Variants in KDM6B observed in about 807,000 individuals in gnomAD.
The protein encoded by KDM6B is lysine-specific demethylase 6B.
In KDM6B, 22 loss-of-function variants were observed where a neutral mutation model predicts 150.4. The observed-to-expected ratio is 0.15, with a 90% CI of 0.10 to 0.21. The LOEUF is 0.21. Ranked by LOEUF, KDM6B falls within the 10% of genes least tolerant of loss-of-function variation. The pLI is 1.00. For missense variants in KDM6B, 1,984 were observed against 2,234.3 expected (o/e 0.89, Z 2.26); for synonymous variants, 1,148 against 921.1 (o/e 1.25, Z -4.46).
intron 1 of KDM6B, among the ~76,000 whole-genome samples, chr17:7,838,497 G>GCCTC (rs1212086601): frequency 2.0e-4 from 1 of 5,044 alleles, no homozygotes. Flanking sequence ...ATGAATTACA[G>GCCTC]CCTCCGGCTT....
rs2078534216 is a variant in KDM6B, at chr17:7,846,268, C to T, written c.427C>T (p.Leu143=). The T allele has an allele frequency of 2.5e-6, 4 of 1,613,614 alleles. No individual in the cohort carries two copies. Among genetic ancestry groups the T allele is most frequent in the Non-Finnish European group, 3.4e-6 (4 of 1,179,878 alleles). The change falls in exon 7 of 24, where the codon CTG becomes TTG. Residue 143 remains leucine (L), a synonymous_variant. Coordinates refer to ENST00000448097, the MANE Select transcript of KDM6B (RefSeq NM_001348716.2). ...TCGATACGGAGGAAGCTTCGCTGAG[C>T]TGGGGCCCCGCATTGGCCGACTGCA... The part of the protein sequence containing the change: ...ALRYGGSFAE[L]GPRIGRLQQA...
Position 7,846,235 on chromosome 17 carries a change from A to G in KDM6B, c.394A>G (p.Ser132Gly). The change falls in exon 7 of 24, where the codon AGC becomes GGC. Residue 132 changes from serine to glycine, a missense_variant. Around this residue, in one of 13 missense-constraint regions of KDM6B, gnomAD observed 337 missense variants for 323.9 expected, o/e 1.04. Coordinates refer to ENST00000448097, the MANE Select transcript of KDM6B (RefSeq NM_001348716.2). ...TGAGGAGGCCACACGCTGCTACCACAGCGCCCTTCGATACGGAGGAAGCTT... is the reference window on the plus strand; with the variant it reads ...TGAGGAGGCCACACGCTGCTACCACGGCGCCCTTCGATACGGAGGAAGCTT... The part of the protein sequence containing the change: ...DSEEATRCYH[S>G]ALRYGGSFAE... 4 of 1,614,068 alleles carry G rather than the reference A, an allele frequency of 2.5e-6. No homozygotes were observed. Among genetic ancestry groups the G allele is most frequent in the Non-Finnish European group, 3.4e-6 (4 of 1,180,002 alleles).
chr17:7,840,775 T>C (rs985678450), intron 2 of KDM6B: 6 of 152,256 alleles, frequency 3.9e-5, no homozygotes, highest in African/African-American at 9.6e-5. Flanking sequence ...GTTTTGCACA[T>C]TGGGGTGCAT....
At position 7,854,659 on chromosome 17, in the gene KDM6B, T is replaced by G. The variant is rs967899844; in HGVS notation, c.*1138T>G. ...TCTCCACGCTGGGGCTGCGGAGGGG[T>G]GGGGGGTTTACAGTCCCGCACCCTC... On this transcript the variant is annotated 3_prime_UTR_variant, in exon 24 of 24. Coordinates refer to ENST00000448097, the MANE Select transcript of KDM6B (RefSeq NM_001348716.2). 1 of 156,162 alleles carries G rather than the reference T, an allele frequency of 6.4e-6. No individual in the cohort carries two copies. The allele number at this position is 156,162 out of a possible 1,614,324, so 9.7% of individuals were successfully genotyped here.
At position 7,848,308 on chromosome 17, in the gene KDM6B, C is replaced by T. The variant is rs2078608458; in HGVS notation, c.2020C>T (p.Pro674Ser). ...CCGAGGCCCTCGACTCTTTGATTTT[C>T]CCCCCACTCCGCTGGAGGACCAGTT... The part of the protein sequence containing the change: ...PARGPRLFDF[P>S]PTPLEDQFEE... The change falls in exon 12 of 24, where the codon CCC becomes TCC. Residue 674 changes from proline (P) to serine (S), a missense_variant. This residue lies in a region of KDM6B where 1,379 missense variants were observed against 1,275.6 expected (regional missense o/e 1.08). Coordinates refer to ENST00000448097, the MANE Select transcript of KDM6B (RefSeq NM_001348716.2). 3.7e-6 allele frequency: 6 copies of T among 1,612,236 alleles called. No individual in the cohort carries two copies. Among genetic ancestry groups the T allele is most frequent in the Non-Finnish European group, 5.1e-6 (6 of 1,179,838 alleles).
In KDM6B at chr17:7,849,483, G is replaced by A. The variant is rs372614245; in HGVS notation, c.3195G>A (p.Pro1065=). The A allele has an allele frequency of 1.2e-4, 199 of 1,612,706 alleles. 2 individuals are homozygous for A. The highest frequency in any genetic ancestry group is 4.3e-4 in the South Asian group (39 of 91,060). The change falls in exon 12 of 24, where the codon CCG becomes CCA. Residue 1065 remains proline (P), a synonymous_variant. Coordinates refer to ENST00000448097, the MANE Select transcript of KDM6B (RefSeq NM_001348716.2). ...APAPSAQPTP[P]SASVPGKKAR... The stretch of plus-strand genomic sequence containing the variant: ...CACCTTCTGCCCAGCCCACACCCCC[G>A]TCAGCCTCTGTCCCTGGAAAGAAGG...
rs1047515736 is a variant in KDM6B, at chr17:7,844,161, G to T, written c.-268-740G>T. Reference sequence around the variant, plus strand: ...CCCTCCCTTGGGGGGCGGGGGCCACGTGGGCCGTGGGGAACCGCGTGGCCC... The same window carrying T: ...CCCTCCCTTGGGGGGCGGGGGCCACTTGGGCCGTGGGGAACCGCGTGGCCC... On this transcript the variant is annotated intron_variant, in intron 2 of 23. Transcript: ENST00000448097. The surrounding 1 kb of genome is among the most constrained non-coding windows in gnomAD (Gnocchi z 5.9). 6.6e-6 allele frequency: 1 copy of T among 151,498 alleles called. No individual in the cohort carries two copies. Among genetic ancestry groups the T allele is most frequent in the Non-Finnish European group, 1.5e-5 (1 of 67,970 alleles). 9.4% of individuals were successfully genotyped at this position (151,498 alleles called of 1,614,324 possible).
Position 7,848,868 on chromosome 17 carries a change from C to T in KDM6B, c.2580C>T (p.Ser860=), listed in dbSNP as rs755078709. The T allele has an allele frequency of 1.9e-6, 3 of 1,610,078 alleles. No homozygotes were observed. Among genetic ancestry groups the T allele is most frequent in the Admixed American group, 3.3e-5 (2 of 59,912 alleles). ...CAGCGGCCCCTAGCGCCCAGGGCTC[C>T]CCACAGCCCTCTGCTTCCTCGTCAT... ...PTSAAPSAQG[S]PQPSASSSSQ... is the part of the protein sequence containing the mutation. The change falls in exon 12 of 24, where the codon TCC becomes TCT. Residue 860 remains serine, a synonymous_variant. Coordinates refer to ENST00000448097, the MANE Select transcript of KDM6B (RefSeq NM_001348716.2).
chr17:7,849,331 C>T lies in KDM6B; in HGVS notation c.3043C>T (p.Arg1015Cys), dbSNP rs1157239894. ...AKAKVPKEKS[R>C]RVLGNLDLQS... ...GGCCAAGGTCCCCAAAGAAAAGAGC[C>T]GCCGGGTGCTGGGGAACCTGGACCT... is the stretch of plus-strand genomic sequence containing the variant. Residue 1015 changes from arginine (R) to cysteine (C), a missense_variant, in exon 12 of 24, where the codon CGC (arginine) becomes TGC (cysteine). Arg to Cys is a radical substitution (Grantham distance 180). Coordinates refer to ENST00000448097, the MANE Select transcript of KDM6B (RefSeq NM_001348716.2). 2 of 1,573,376 alleles carry T rather than the reference C, an allele frequency of 1.3e-6. No individual in the cohort carries two copies. The highest frequency in any genetic ancestry group is 2.7e-5 in the African/African-American group (2 of 73,790).
rs761134422 is a variant in KDM6B, at chr17:7,851,804, C to A, written c.4165+8C>A. 9 of 1,555,690 alleles carry A rather than the reference C, an allele frequency of 5.8e-6. No homozygotes were observed. In the African/African-American group the frequency reaches 1.2e-4, roughly 21 times the overall value. Reference sequence around the variant, plus strand: ...CCGGCAGCCGAACGCCAGGTGCGCTCCACGCCTGTGCGCGCTGATGCTGGA... The same window carrying A: ...CCGGCAGCCGAACGCCAGGTGCGCTACACGCCTGTGCGCGCTGATGCTGGA... On this transcript the variant is annotated splice_region_variant and intron_variant, in intron 18 of 23. Coordinates refer to ENST00000448097, the MANE Select transcript of KDM6B (RefSeq NM_001348716.2).
Position 7,845,367 on chromosome 17 carries a change from C to A in KDM6B, c.-95C>A. The A allele has an allele frequency of 1.4e-6, 1 of 730,198 alleles. No individual in the cohort carries two copies. 45.2% of individuals were successfully genotyped at this position (730,198 alleles called of 1,614,324 possible). ...ATCTGGGGGTAGCGGGCACTCTTAT[C>A]AGAGCGGCTGGAGCCGGACCATCGT... On this transcript the variant is annotated 5_prime_UTR_variant, in exon 4 of 24. Transcript: ENST00000448097.
Position 7,846,210 on chromosome 17 carries a change from T to C in KDM6B, c.369T>C (p.Ser123=), listed in dbSNP as rs768875691. 3.1e-6 allele frequency: 5 copies of C among 1,613,966 alleles called. No homozygotes were observed. Among genetic ancestry groups the C allele is most frequent in the African/African-American group, 2.7e-5 (2 of 74,906 alleles). ...LGQLYESEHD[S]EEATRCYHSA... ...AACTGTACGAGTCAGAGCACGATAGTGAGGAGGCCACACGCTGCTACCACA... is the reference window on the plus strand; with the variant it reads ...AACTGTACGAGTCAGAGCACGATAGCGAGGAGGCCACACGCTGCTACCACA... Residue 123 remains serine, a synonymous_variant, in exon 7 of 24, where the codon AGT becomes AGC. Transcript: ENST00000448097.
chr17:7,854,181 C>G lies in KDM6B; in HGVS notation c.*660C>G, dbSNP rs1687165867. On this transcript the variant is annotated 3_prime_UTR_variant, in exon 24 of 24. Coordinates refer to ENST00000448097, the MANE Select transcript of KDM6B (RefSeq NM_001348716.2). Reference sequence around the variant, plus strand: ...CGCCCCTCCAGGGACCGCCCGTCGCCGGGCTCTCCCCGCGCCCCAGTGTGT... The same window carrying G: ...CGCCCCTCCAGGGACCGCCCGTCGCGGGGCTCTCCCCGCGCCCCAGTGTGT... The G allele has an allele frequency of 6.6e-6, 1 of 152,608 alleles. No homozygotes were observed. Among genetic ancestry groups the G allele is most frequent in the African/African-American group, 2.4e-5 (1 of 41,434 alleles). 9.5% of individuals were successfully genotyped at this position (152,608 alleles called of 1,614,324 possible). A position where few individuals can be genotyped will look rare whatever the true frequency, so the allele number is the denominator to read the frequency against.
Position 7,849,177 on chromosome 17 carries a change from C to A in KDM6B, c.2889C>A (p.Gly963=). 6.2e-7 allele frequency: 1 copy of A among 1,608,962 alleles called. No homozygotes were observed. The highest frequency in any genetic ancestry group is 1.3e-5 in the African/African-American group (1 of 74,964). The change falls in exon 12 of 24, where the codon GGC becomes GGA. Residue 963 remains glycine (G), a synonymous_variant. Coordinates refer to ENST00000448097, the MANE Select transcript of KDM6B (RefSeq NM_001348716.2). ...CCGCACAGGCCAAGGAGGAGGCTGG[C>A]GGGGTGGCGGCAGTGTCAGGCAGCT... The part of the protein sequence containing the change: ...LPPAQAKEEA[G]GVAAVSGSCK...
At position 7,848,125 on chromosome 17, in the gene KDM6B, T is replaced by G; in HGVS notation, c.1837T>G (p.Ser613Ala). 2.5e-6 allele frequency: 4 copies of G among 1,611,784 alleles called. No individual in the cohort carries two copies. The highest frequency in any genetic ancestry group is 3.4e-6 in the Non-Finnish European group (4 of 1,179,632). ...TLALPPAPPS[S>A]CHQNTSGSFR... Reference sequence around the variant, plus strand: ...TGCCCTGCCTCCAGCCCCTCCTTCCTCCTGCCACCAAAATACCTCAGGAAG... The same window carrying G: ...TGCCCTGCCTCCAGCCCCTCCTTCCGCCTGCCACCAAAATACCTCAGGAAG... The change falls in exon 12 of 24, where the codon TCC (serine) becomes GCC (alanine). Residue 613 changes from serine to alanine, a missense_variant. By Grantham distance (99) the Ser-to-Ala change is moderately conservative. This residue lies in a region of KDM6B where 1,379 missense variants were observed against 1,275.6 expected (regional missense o/e 1.08). Transcript: ENST00000448097.
intron 2 of KDM6B, among the ~76,000 whole-genome samples, chr17:7,841,670 G>T (rs2078416434): frequency 6.6e-6 from 1 of 152,216 alleles, no homozygotes; most frequent in Non-Finnish European, 1.5e-5. Flanking sequence ...CGGGACCCAC[G>T]CACAGCCGAC....
In KDM6B at chr17:7,853,515, G is replaced by T. The variant is rs1459137286; in HGVS notation, c.4926G>T (p.Ser1642=). 5.3e-6 allele frequency: 8 copies of T among 1,504,000 alleles called. No individual in the cohort carries two copies. Among genetic ancestry groups the T allele is most frequent in the Non-Finnish European group, 7.1e-6 (8 of 1,133,366 alleles). 93.2% of individuals were successfully genotyped at this position (1,504,000 alleles called of 1,614,324 possible). ...DAFTLAPAST[S]R The stretch of plus-strand genomic sequence containing the variant: ...CCCCCCAGGCCCCAGCCAGCACGTC[G>T]CGATGAGGCCGGACGCCCCGCCCGC... The change falls in exon 24 of 24, where the codon TCG becomes TCT. Residue 1642 remains serine, a synonymous_variant. Transcript: ENST00000448097.
Position 7,845,671 on chromosome 17 carries a change from C to G in KDM6B, c.117C>G (p.Ser39Arg), listed in dbSNP as rs769473886. The G allele has an allele frequency of 2.5e-6, 4 of 1,614,018 alleles. No homozygotes were observed. Among genetic ancestry groups the G allele is most frequent in the South Asian group, 2.2e-5 (2 of 91,092 alleles). ...GCCCGCCTCATCCCCCTCCTCGTAG[C>G]GCATGGCTGCCTGGAGGCAGGTGAG... is the stretch of plus-strand genomic sequence containing the variant. ...SSCPPHPPPR[S>R]AWLPGGRCSA... is the part of the protein sequence containing the mutation. The change falls in exon 5 of 24, where the codon AGC becomes AGG. Residue 39 changes from serine to arginine, a missense_variant. This residue lies in a region of KDM6B where 337 missense variants were observed against 323.9 expected (regional missense o/e 1.04). Transcript: ENST00000448097.
chr17:7,835,110 G>C (rs548428197), intron 1 of KDM6B, among the ~76,000 whole-genome samples: 13 of 152,040 alleles, frequency 8.6e-5, no homozygotes, highest in Non-Finnish European at 1.5e-4. Context: ...GGTAGGCTGA[G>C]GCCCCCACTT....
Sources: allele counts gnomAD v4.1 joint callset (sites outside exome capture counted in the v4.1 genomes callset), GRCh38; gene constraint gnomAD v4.1.1; regional missense constraint gnomAD v4.1.1; non-coding constraint Gnocchi (gnomAD v3.1); transcripts MANE v1.5; gene names NCBI Gene and HGNC (gene_info 2026-07-23, HGNC 2026-07-21).